The following RPS6 variants were observed in gnomAD, a reference collection of about 807,000 sequenced individuals.
RPS6 encodes the protein ribosomal protein S6.
A neutral mutation model predicts 27.1 loss-of-function variants in RPS6; 1 was observed. The observed-to-expected ratio is 0.04, with a 90% CI of 0.01 to 0.18. The LOEUF (loss-of-function observed/expected upper bound fraction) is 0.18. RPS6 is among the 10% of genes least tolerant of loss of function. The pLI is 1.00. For missense variants in RPS6, 259 were observed against 319.1 expected, an observed-to-expected ratio of 0.81 and a Z score of 1.44; for synonymous variants, 152 against 106.0, an observed-to-expected ratio of 1.43 and a Z score of -2.66.
At position 19,378,451 on chromosome 9, in the gene RPS6, G is replaced by C. The variant is rs1829625109; in HGVS notation, c.413C>G (p.Ala138Gly). 1.2e-6 allele frequency: 2 copies of C among 1,613,962 alleles called. No individual in the cohort carries two copies. The highest frequency in any genetic ancestry group is 1.7e-6 in the Non-Finnish European group (2 of 1,180,004). The change falls in exon 4 of 6, where the codon GCT becomes GGT. Residue 138 changes from alanine (A) to glycine (G), a missense_variant. Physicochemically the swap from Ala to Gly is moderately conservative, Grantham distance 60. Coordinates refer to ENST00000380394, the MANE Select transcript of RPS6 (RefSeq NM_001010.3). ...TVPRRLGPKR[A>G]SRIRKLFNLS... ...ATTGAAAAGTTTGCGGATTCTGCTA[G>C]CTCTTTTGGGGCCCAGGCGGCGAGG...
intron 4 of RPS6, among the ~76,000 whole-genome samples, chr9:19,377,922 CAA>C (rs1829616551): frequency 6.6e-6 from 1 of 152,144 alleles, no homozygotes; most frequent in Admixed American, 6.5e-5. Flanking sequence ...TTTGGGAAGC[CAA>C]AGTGGGAGCA....
Position 19,376,084 on chromosome 9 carries a change from T to C in RPS6, c.*209A>G. 2 of 469,286 alleles carry C rather than the reference T, an allele frequency of 4.3e-6. No individual in the cohort carries two copies. The highest frequency in any genetic ancestry group is 6.9e-5 in the South Asian group (2 of 28,898). 29.1% of individuals were successfully genotyped at this position (469,286 alleles called of 1,614,324 possible). The stretch of plus-strand genomic sequence containing the variant: ...TCAGAATCCCTTCCTGTGCCACCCA[T>C]CCCCTGAAAGGAACCCCTGTACACT... On this transcript the variant is annotated 3_prime_UTR_variant, in exon 6 of 6. Transcript: ENST00000380394.
chr9:19,380,024 G>C (rs878990877), intron 1 of RPS6, 166 bp downstream of exon 1: 19 of 1,524,472 alleles, frequency 1.2e-5, no homozygotes, highest in Non-Finnish European at 1.8e-6. Context: ...CCTGCCATCC[G>C]TTCGGCCAAA....
chr9:19,379,202 C>T (rs1829638758), intron 2 of RPS6: 3 of 1,063,944 alleles, frequency 2.8e-6, no homozygotes, highest in Middle Eastern at 2.5e-4. Context: ...TCAGATACAA[C>T]CCTTTTTGGC....
rs1242765949 is a variant in RPS6 at position 19,376,179 on chromosome 9, TC to T, written c.*113del. ...ACCATTGGAATACCATATATACATATCCCCATTTTCTATGACCTAACTTTCC... is the reference window on the plus strand; with the variant it reads ...ACCATTGGAATACCATATATACATATCCCATTTTCTATGACCTAACTTTCC... On this transcript the variant is annotated 3_prime_UTR_variant, in exon 6 of 6. Coordinates refer to ENST00000380394, the MANE Select transcript of RPS6 (RefSeq NM_001010.3). The T allele has an allele frequency of 1.2e-6, 1 of 850,462 alleles. No homozygotes were observed. Among genetic ancestry groups the T allele is most frequent in the Non-Finnish European group, 1.9e-6 (1 of 533,876 alleles). 52.7% of individuals were successfully genotyped at this position (850,462 alleles called of 1,614,324 possible). A position where few individuals can be genotyped will look rare whatever the true frequency, so the allele number is the denominator to read the frequency against.
rs944643277 is a variant in RPS6, at chr9:19,378,648, G to A, written c.349+60C>T. 2.5e-6 allele frequency: 4 copies of A among 1,579,934 alleles called. No homozygotes were observed. The Admixed American group carries it at 5.0e-5, about 20-fold the overall frequency. On this transcript the variant is annotated intron_variant, in intron 3 of 5. Transcript: ENST00000380394. ...AAGTCTGGATACTGCAAATGAATAA[G>A]CATTTGGACAACTGGCTTTAAATCA...
intron 2 of RPS6, 167 bp downstream of exon 2, chr9:19,379,320 T>G: frequency 6.6e-7 from 1 of 1,505,514 alleles, no homozygotes; most frequent in Non-Finnish European, 8.9e-7. Context: ...TTACTCTACG[T>G]CCCCCCCTCC....
rs372264336 is a variant in RPS6, at chr9:19,378,660, C to A, written c.349+48G>T. 14 of 1,602,194 alleles carry A rather than the reference C, an allele frequency of 8.7e-6. No homozygotes were observed. In the Middle Eastern group the frequency reaches 6.6e-4, roughly 76 times the overall value. ...TGCAAATGAATAAGCATTTGGACAA[C>A]TGGCTTTAAATCAATTTCAACGAAA... On this transcript the variant is annotated intron_variant, in intron 3 of 5. Coordinates refer to ENST00000380394, the MANE Select transcript of RPS6 (RefSeq NM_001010.3).
rs376914338 is a variant in RPS6 at position 19,380,235 on chromosome 9, A to G, written c.-40T>C. ...ACGCCTCCGAGGCGCCACGGAAAAG[A>G]GGGCCAACTTCCGCTTAGCGCAGGT... is the stretch of plus-strand genomic sequence containing the variant. On this transcript the variant is annotated 5_prime_UTR_variant, in exon 1 of 6. Coordinates refer to ENST00000380394, the MANE Select transcript of RPS6 (RefSeq NM_001010.3). The G allele has an allele frequency of 5.0e-6, 8 of 1,608,324 alleles. No homozygotes were observed. Among genetic ancestry groups the G allele is most frequent in the African/African-American group, 1.3e-5 (1 of 74,776 alleles).
At chr9:19,379,748 C>A in intron 1 of RPS6, 130 bp from the exon 2 acceptor site, 1 of 1,497,534 alleles carries the variant, frequency 6.7e-7, no homozygotes, top group East Asian at 2.3e-5. Flanking sequence ...ATATAAGATG[C>A]CGACTGTACT....
chr9:19,380,207 T>C lies in RPS6; in HGVS notation c.-12A>G, dbSNP rs41270111. On this transcript the variant is annotated 5_prime_UTR_variant, in exon 1 of 6. Coordinates refer to ENST00000380394, the MANE Select transcript of RPS6 (RefSeq NM_001010.3). Reference sequence around the variant, plus strand: ...TCACCTACCTTCATCTTGAAGCAGCTGAACGCCTCCGAGGCGCCACGGAAA... The same window carrying C: ...TCACCTACCTTCATCTTGAAGCAGCCGAACGCCTCCGAGGCGCCACGGAAA... 0.01 allele frequency: 16,208 copies of C among 1,614,090 alleles called. 109 individuals are homozygous for C. The highest frequency in any genetic ancestry group is 0.012 in the Non-Finnish European group (14,166 of 1,179,960).
chr9:19,378,958 A>C (rs776659094), intron 2 of RPS6, 40 bp from the exon 3 acceptor site: 1 of 1,583,868 alleles, frequency 6.3e-7, no homozygotes, highest in Admixed American at 1.7e-5. Flanking sequence ...TACTATTTCT[A>C]TTCCAAAATT....
At position 19,376,275 on chromosome 9, in the gene RPS6, T is replaced by C. The variant is rs1291097398; in HGVS notation, c.*18A>G. 1 of 1,590,516 alleles carries C rather than the reference T, an allele frequency of 6.3e-7. No homozygotes were observed. The highest frequency in any genetic ancestry group is 2.2e-5 in the East Asian group (1 of 44,730). ...AGAGATCAGAGTCTGATCTTATTTA[T>C]TTGTTACTCAAAAAATCTTATTTCT... On this transcript the variant is annotated 3_prime_UTR_variant, in exon 6 of 6. Coordinates refer to ENST00000380394, the MANE Select transcript of RPS6 (RefSeq NM_001010.3).
intron 4 of RPS6, 62 bp from the exon 5 acceptor site, chr9:19,376,713 A>G: frequency 6.6e-7 from 1 of 1,503,772 alleles, no homozygotes; most frequent in Admixed American, 2.1e-5. Flanking sequence ...CATCTACTTT[A>G]AAAACATCAG....
chr9:19,376,100 C>T lies in RPS6; in HGVS notation c.*193G>A, dbSNP rs1829578694. On this transcript the variant is annotated 3_prime_UTR_variant, in exon 6 of 6. Transcript: ENST00000380394. ...TGCCACCCATCCCCTGAAAGGAACC[C>T]CTGTACACTGACCTTGTCTTCCACT... 1 of 555,934 alleles carries T rather than the reference C, an allele frequency of 1.8e-6. No individual in the cohort carries two copies. The highest frequency in any genetic ancestry group is 3.2e-6 in the Non-Finnish European group (1 of 316,336). The allele number at this position is 555,934 out of a possible 1,614,324, so 34.4% of individuals were successfully genotyped here.
At position 19,380,203 on chromosome 9, in the gene RPS6, CA is replaced by C; in HGVS notation, c.-9del. ...ACCATCACCTACCTTCATCTTGAAG[CA>C]GCTGAACGCCTCCGAGGCGCCACGG... On this transcript the variant is annotated 5_prime_UTR_variant, in exon 1 of 6. Transcript: ENST00000380394. The C allele has an allele frequency of 6.2e-7, 1 of 1,614,174 alleles. No individual in the cohort carries two copies. Among genetic ancestry groups the C allele is most frequent in the South Asian group, 1.1e-5 (1 of 91,082 alleles).
At position 19,375,894 on chromosome 9, in the gene RPS6, TAAAAA is replaced by T. The variant is rs1254170395; in HGVS notation, c.*394_*398del. On this transcript the variant is annotated 3_prime_UTR_variant, in exon 6 of 6. Transcript: ENST00000380394. ...AAACTATGCCTTAAAAGTTACCTTT[TAAAAA>T]AGACATGTTCATCTTCACAAGGTCA... 1 of 154,580 alleles carries T rather than the reference TAAAAA, an allele frequency of 6.5e-6. No individual in the cohort carries two copies. The highest frequency in any genetic ancestry group is 1.4e-5 in the Non-Finnish European group (1 of 69,594). 9.6% of individuals were successfully genotyped at this position (154,580 alleles called of 1,614,324 possible).
At chr9:19,376,770 CT>C (rs1829595410) in intron 4 of RPS6, 119 bp from the exon 5 acceptor site, 3 of 918,346 alleles carry the variant, frequency 3.3e-6, no homozygotes, top group Non-Finnish European at 1.6e-6. Flanking sequence ...ATAATGAGGC[CT>C]TTAAAATCAA....
rs1236416060 is a variant in RPS6, at chr9:19,376,581, C to T, written c.567G>A (p.Arg189=). Residue 189 remains arginine (R), a synonymous_variant, in exon 5 of 6, where the codon CGG becomes CGA. Coordinates refer to ENST00000380394, the MANE Select transcript of RPS6 (RefSeq NM_001010.3). ...GCTGCTTCTTCAGAGCAATACGCCG[C>T]CGTTTGTGCTGCAGGACACGTGGAG... ...LVTPRVLQHK[R]RRIALKKQRT... The T allele has an allele frequency of 1.9e-6, 3 of 1,614,158 alleles. No individual in the cohort carries two copies. Among genetic ancestry groups the T allele is most frequent in the South Asian group, 2.2e-5 (2 of 91,078 alleles).
Sources: gnomAD v4.1 joint callset for allele counts (sites outside exome capture counted in the v4.1 genomes callset) on GRCh38, gnomAD v4.1.1 for gene constraint, MANE v1.5 for transcripts, NCBI Gene and HGNC (gene_info 2026-07-23, HGNC 2026-07-21) for gene names.